Variants in GGA3 observed in about 807,000 individuals in gnomAD.
The protein encoded by GGA3 is golgi associated, gamma adaptin ear containing, ARF binding protein 3, also known as ADP-ribosylation factor-binding protein GGA3.
In GGA3, 57 loss-of-function variants were observed where a neutral mutation model predicts 77.5. The observed-to-expected ratio is 0.74, with a 90% CI of 0.59 to 0.92. The LOEUF is 0.92. Ranked by LOEUF, GGA3 falls within the 40% of genes least tolerant of loss-of-function variation. The pLI is 0.00. For synonymous variants in GGA3, 416 were observed against 383.7 expected, an observed-to-expected ratio of 1.08 and a Z score of -0.98; for missense variants, 970 against 914.9, an observed-to-expected ratio of 1.06 and a Z score of -0.78.
intron 12 of GGA3, 111 bp from the exon 13 acceptor site, chr17:75,240,219 T>C: frequency 1.7e-6 from 2 of 1,159,476 alleles, no homozygotes; most frequent in Non-Finnish European, 1.2e-6. Flanking sequence ...GAGGCACTCA[T>C]TGTTCCCCGC....
chr17:75,240,805 G>T lies in GGA3; in HGVS notation c.1192+7C>A. 2 of 1,605,626 alleles carry T rather than the reference G, an allele frequency of 1.2e-6. No homozygotes were observed. On this transcript the variant is annotated splice_region_variant and intron_variant, in intron 11 of 16. Coordinates refer to ENST00000537686, the MANE Select transcript of GGA3 (RefSeq NM_138619.4). ...GGGATGCCCCTGACGCCCCCTGTGG[G>T]CCGCACCCAAGCAGAGTAGCTCCTC...
chr17:75,239,308 C>G, intron 14 of GGA3, 67 bp downstream of exon 14: 2 of 1,340,770 alleles, frequency 1.5e-6, no homozygotes, highest in Non-Finnish European at 1.0e-6. Flanking sequence ...CCATCCCTGT[C>G]GCATGTCCTA....
Position 75,240,410 on chromosome 17 carries a change from G to T in GGA3, c.1195C>A (p.Leu399Ile). ...GGAACATTAGGGGCTGGGTCGGCGA[G>T]GCCTGACAATAGAGAAGAAAACAGG... is the stretch of plus-strand genomic sequence containing the variant. The part of the protein sequence containing the change: ...WLDEELLCLG[L>I]ADPAPNVPPK... Residue 399 changes from leucine (L) to isoleucine (I), a missense_variant and splice_region_variant, in exon 12 of 17, where the codon CTC (leucine) becomes ATC (isoleucine). Physicochemically the swap from Leu to Ile is conservative, Grantham distance 5. Coordinates refer to ENST00000537686, the MANE Select transcript of GGA3 (RefSeq NM_138619.4). 1 of 1,590,820 alleles carries T rather than the reference G, an allele frequency of 6.3e-7. No homozygotes were observed. Among genetic ancestry groups the T allele is most frequent in the Non-Finnish European group, 8.6e-7 (1 of 1,167,656 alleles).
chr17:75,256,653 T>C (rs1325138731), intron 1 of GGA3, among the ~76,000 whole-genome samples: 1 of 152,146 alleles, frequency 6.6e-6, no homozygotes, highest in East Asian at 1.9e-4. Flanking sequence ...TTCCTTTCCA[T>C]TGTGGAAATC....
Position 75,237,301 on chromosome 17 carries a change from A to T in GGA3, c.*978T>A, listed in dbSNP as rs2076351742. 2.6e-5 allele frequency: 17 copies of T among 641,886 alleles called. No homozygotes were observed. The South Asian group carries it at 3.1e-4, about 12-fold the overall frequency. 39.8% of individuals were successfully genotyped at this position (641,886 alleles called of 1,614,324 possible). ...AGGTTTCTGGGCAGCACATTAGGACATATGTCTAGTGTAACATTTGTGATC... is the reference window on the plus strand; with the variant it reads ...AGGTTTCTGGGCAGCACATTAGGACTTATGTCTAGTGTAACATTTGTGATC... On this transcript the variant is annotated 3_prime_UTR_variant, in exon 17 of 17. Coordinates refer to ENST00000537686, the MANE Select transcript of GGA3 (RefSeq NM_138619.4).
chr17:75,245,778 C>T (rs1213097091), intron 3 of GGA3, among the ~76,000 whole-genome samples: 1 of 151,754 alleles, frequency 6.6e-6, no homozygotes, highest in Non-Finnish European at 1.5e-5. Context: ...GGCCTAGGCC[C>T]CACAGGGTGC....
intron 1 of GGA3, among the ~76,000 whole-genome samples, chr17:75,247,537 C>A (rs1457330296): frequency 6.6e-6 from 1 of 152,244 alleles, no homozygotes; most frequent in African/African-American, 2.4e-5. Context: ...GCTGGGATTA[C>A]AGGCGTGAGT....
rs776911265 is a variant in GGA3, at chr17:75,246,491, G to A, written c.201+18C>T. 2.4e-5 allele frequency: 37 copies of A among 1,546,000 alleles called. No homozygotes were observed. The highest frequency in any genetic ancestry group is 1.0e-4 in the Admixed American group (6 of 59,912). ...GTGAAGGGCTGCGGTTTCCACCTCC[G>A]GAGAGTGAAGGACCTACCGTCAGGG... is the stretch of plus-strand genomic sequence containing the variant. On this transcript the variant is annotated intron_variant, in intron 3 of 16. Coordinates refer to ENST00000537686, the MANE Select transcript of GGA3 (RefSeq NM_138619.4).
In GGA3 at chr17:75,248,854, C is replaced by T. The variant is rs1449953521; in HGVS notation, c.41-2058G>A. 3 of 973,526 alleles carry T rather than the reference C, an allele frequency of 3.1e-6. No individual in the cohort carries two copies. In the Admixed American group the frequency reaches 1.9e-4, roughly 61 times the overall value. 60.3% of individuals were successfully genotyped at this position (973,526 alleles called of 1,614,324 possible). ...AAAAAACTCACCAGCTGGATGAACACATCATAACAGAGACTCCAGCTCCTT... is the reference window on the plus strand; with the variant it reads ...AAAAAACTCACCAGCTGGATGAACATATCATAACAGAGACTCCAGCTCCTT... On this transcript the variant is annotated intron_variant, in intron 1 of 16. Coordinates refer to ENST00000537686, the MANE Select transcript of GGA3 (RefSeq NM_138619.4).
At position 75,237,823 on chromosome 17, in the gene GGA3, G is replaced by T; in HGVS notation, c.*456C>A. 7.0e-7 allele frequency: 1 copy of T among 1,428,594 alleles called. No individual in the cohort carries two copies. The highest frequency in any genetic ancestry group is 9.1e-7 in the Non-Finnish European group (1 of 1,096,560). 88.5% of individuals were successfully genotyped at this position (1,428,594 alleles called of 1,614,324 possible). On this transcript the variant is annotated 3_prime_UTR_variant, in exon 17 of 17. Coordinates refer to ENST00000537686, the MANE Select transcript of GGA3 (RefSeq NM_138619.4). Reference sequence around the variant, plus strand: ...TGGTTGGCGGGGGAAGCATGGAATTGCAACAGGGCTGCAGCCCCTTGGGCC... The same window carrying T: ...TGGTTGGCGGGGGAAGCATGGAATTTCAACAGGGCTGCAGCCCCTTGGGCC...
chr17:75,237,577 C>T lies in GGA3; in HGVS notation c.*702G>A. 1 of 1,535,398 alleles carries T rather than the reference C, an allele frequency of 6.5e-7. No individual in the cohort carries two copies. The highest frequency in any genetic ancestry group is 8.7e-7 in the Non-Finnish European group (1 of 1,146,438). On this transcript the variant is annotated 3_prime_UTR_variant, in exon 17 of 17. Transcript: ENST00000537686. ...GGCTCTCTTCATTTTCCTTCCTATCCCTAGTTGGGCCTGTCATGAGGCCAA... is the reference window on the plus strand; with the variant it reads ...GGCTCTCTTCATTTTCCTTCCTATCTCTAGTTGGGCCTGTCATGAGGCCAA...
intron 1 of GGA3, among the ~76,000 whole-genome samples, chr17:75,253,931 G>A (rs1171982667): frequency 1.3e-5 from 2 of 152,022 alleles, no homozygotes; most frequent in African/African-American, 2.4e-5. Context: ...CTGCAACACC[G>A]CTTGGCCCCA....
rs759485017 is a variant in GGA3, at chr17:75,238,096, A to G, written c.*183T>C. On this transcript the variant is annotated 3_prime_UTR_variant, in exon 17 of 17. Coordinates refer to ENST00000537686, the MANE Select transcript of GGA3 (RefSeq NM_138619.4). ...CAGGTAGATAAAAACAGGTCCTTTT[A>G]GGGGCCAAAGGAGAGGTTATCACAG... The G allele has an allele frequency of 9.8e-5, 137 of 1,394,458 alleles. No individual in the cohort carries two copies. The highest frequency in any genetic ancestry group is 1.2e-4 in the Non-Finnish European group (129 of 1,077,850). The allele number at this position is 1,394,458 out of a possible 1,614,324, so 86.4% of individuals were successfully genotyped here. A position where few individuals can be genotyped will look rare whatever the true frequency, so the allele number is the denominator to read the frequency against.
chr17:75,238,950 A>G lies in GGA3; in HGVS notation c.1914T>C (p.Pro638=), dbSNP rs35669971. The change falls in exon 15 of 17, where the codon CCT becomes CCC. Residue 638 remains proline (P), a synonymous_variant. Coordinates refer to ENST00000537686, the MANE Select transcript of GGA3 (RefSeq NM_138619.4). Reference sequence around the variant, plus strand: ...CAGCCTGCAGCACGATGCTCTTGACAGGTAAGGGAGCCGTGTTCAGCATGG... The same window carrying G: ...CAGCCTGCAGCACGATGCTCTTGACGGGTAAGGGAGCCGTGTTCAGCATGG... The part of the protein sequence containing the change: ...VVSMLNTAPL[P]VKSIVLQAAV... 2,759 of 1,614,104 alleles carry G rather than the reference A, an allele frequency of 1.7e-3. 38 individuals are homozygous for G. The African/African-American group carries it at 0.031, about 18-fold the overall frequency.
At chr17:75,256,276 C>G (rs1007057362) in intron 1 of GGA3, among the ~76,000 whole-genome samples, 1 of 151,994 alleles carries the variant, frequency 6.6e-6, no homozygotes, top group African/African-American at 2.4e-5. Flanking sequence ...CTATGCTCAA[C>G]TCACTCTCTA....
chr17:75,246,439 T>C (rs1017633243), intron 3 of GGA3, 70 bp downstream of exon 3: 1 of 1,015,030 alleles, frequency 9.9e-7, no homozygotes, highest in African/African-American at 1.6e-5. Flanking sequence ...AGAACCGCTA[T>C]GGGGACACGA....
At chr17:75,240,567 C>T (rs1462952676) in intron 11 of GGA3, 155 bp from the exon 12 acceptor site, 14 of 657,206 alleles carry the variant, frequency 2.1e-5, no homozygotes, top group Admixed American at 1.1e-4. Context: ...GGGAATGGAG[C>T]GCTCCAGTCC....
chr17:75,238,791 A>G (rs781348014), intron 15 of GGA3, 29 bp from the exon 16 acceptor site: 1 of 1,591,174 alleles, frequency 6.3e-7, no homozygotes, highest in African/African-American at 1.3e-5. Flanking sequence ...CTTTGAAGAG[A>G]ACTGGTAGGT....
At chr17:75,240,761 C>T in intron 11 of GGA3, 51 bp downstream of exon 11, 3 of 1,547,984 alleles carry the variant, frequency 1.9e-6, no homozygotes, top group African/African-American at 1.4e-5. Context: ...ACACACCCTT[C>T]CTCCCAGAGC....
Sources: allele counts gnomAD v4.1 joint callset (sites outside exome capture counted in the v4.1 genomes callset), GRCh38; gene constraint gnomAD v4.1.1; transcripts MANE v1.5; gene names NCBI Gene and HGNC (gene_info 2026-07-23, HGNC 2026-07-21).